Variants in APOBEC3B observed in about 807,000 individuals in gnomAD.
APOBEC3B encodes apolipoprotein B mRNA editing enzyme catalytic subunit 3B.
Under a neutral mutation model 53.4 loss-of-function variants are expected in APOBEC3B, and 29 were observed. The observed-to-expected ratio is 0.54, with a 90% confidence interval of 0.40 to 0.74. APOBEC3B has a LOEUF of 0.74. Among genes scored for constraint, APOBEC3B ranks in the 30% least tolerant of loss-of-function variants. The pLI is 0.00. For missense variants in APOBEC3B, 347 were observed against 496.2 expected (o/e 0.70, Z 2.86); for synonymous variants, 132 against 184.8 (o/e 0.71, Z 2.32).
In APOBEC3B at chr22:38,992,598, T is replaced by C. The variant is rs1924057787; in HGVS notation, c.*153T>C. The C allele has an allele frequency of 6.5e-7, 1 of 1,544,812 alleles. No individual in the cohort carries two copies. ...AATGTGCTCCTGATCAAGTAGATTTTTTAAAAATCAGAGTCAATTAATTTT... is the reference window on the plus strand; with the variant it reads ...AATGTGCTCCTGATCAAGTAGATTTCTTAAAAATCAGAGTCAATTAATTTT... On this transcript the variant is annotated 3_prime_UTR_variant, in exon 8 of 8. Coordinates refer to ENST00000333467, the MANE Select transcript of APOBEC3B (RefSeq NM_004900.5).
In APOBEC3B at chr22:38,984,155, C is replaced by T; in HGVS notation, c.98C>T (p.Thr33Ile). The T allele has an allele frequency of 1.3e-6, 2 of 1,592,558 alleles. No homozygotes were observed. Among genetic ancestry groups the T allele is most frequent in the Non-Finnish European group, 1.7e-6 (2 of 1,172,058 alleles). The stretch of plus-strand genomic sequence containing the variant: ...CCCATCCTCTATGGTCGGAGCTACA[C>T]TTGGCTGTGCTATGAAGTGAAAATA... ...NEPILYGRSY[T>I]WLCYEVKIKR... The change falls in exon 2 of 8, where the codon ACT becomes ATT. Residue 33 changes from threonine to isoleucine, a missense_variant. Thr to Ile is a moderately conservative substitution (Grantham distance 89). Coordinates refer to ENST00000333467, the MANE Select transcript of APOBEC3B (RefSeq NM_004900.5).
Position 38,986,365 on chromosome 22 carries a change from C to A in APOBEC3B, c.522C>A (p.Phe174Leu). The change falls in exon 4 of 8, where the codon TTC (phenylalanine) becomes TTA (leucine). Residue 174 changes from phenylalanine to leucine, a missense_variant. Physicochemically the swap from Phe to Leu is conservative, Grantham distance 22. Transcript: ENST00000333467. Reference protein sequence around the residue: ...EGQQFMPWYKFDENYAFLHRT... With the variant: ...EGQQFMPWYKLDENYAFLHRT... ...AGCAATTCATGCCTTGGTACAAATTCGATGAAAATTATGCATTCCTGCACC... is the reference window on the plus strand; with the variant it reads ...AGCAATTCATGCCTTGGTACAAATTAGATGAAAATTATGCATTCCTGCACC... 6.3e-7 allele frequency: 1 copy of A among 1,593,874 alleles called. No homozygotes were observed. The highest frequency in any genetic ancestry group is 1.3e-5 in the African/African-American group (1 of 74,362).
In APOBEC3B at chr22:38,989,443, G is replaced by C. The variant is rs1362537223; in HGVS notation, c.570-14G>C. The C allele has an allele frequency of 1.3e-5, 21 of 1,555,956 alleles. 3 individuals are homozygous for C. Among genetic ancestry groups the C allele is most frequent in the African/African-American group, 6.8e-5 (5 of 73,694 alleles). On this transcript the variant is annotated splice_polypyrimidine_tract_variant and intron_variant, in intron 4 of 7. Coordinates refer to ENST00000333467, the MANE Select transcript of APOBEC3B (RefSeq NM_004900.5). ...AGTCTTAGGGCTTTTGGTTTCCCCT[G>C]TCTTTGTCCACAGATACCTGATGGA...
At chr22:38,984,893 TC>T (rs1431433152) in intron 2 of APOBEC3B, among the ~76,000 whole-genome samples, 3 of 136,120 alleles carry the variant, frequency 2.2e-5, no homozygotes, top group African/African-American at 8.0e-5. Flanking sequence ...TCTCTTTTTT[TC>T]CTTTTTTTTT....
At chr22:38,989,317 C>T (rs1284285794) in intron 4 of APOBEC3B, 140 bp from the exon 5 acceptor site, 1 of 733,650 alleles carries the variant, frequency 1.4e-6, no homozygotes, top group African/African-American at 1.7e-5. Flanking sequence ...GTGGCCCCCA[C>T]AAAGGGAGTG....
chr22:38,988,696 T>A (rs1259936548), intron 4 of APOBEC3B, among the ~76,000 whole-genome samples: 1 of 114,668 alleles, frequency 8.7e-6, no homozygotes, highest in Admixed American at 9.6e-5. Context: ...TTTCTTTCTT[T>A]CTTTCTTTCT....
Position 38,984,182 on chromosome 22 carries a change from A to G in APOBEC3B, c.125A>G (p.Lys42Arg), listed in dbSNP as rs1255885595. The G allele has an allele frequency of 6.3e-7, 1 of 1,592,742 alleles. No individual in the cohort carries two copies. The highest frequency in any genetic ancestry group is 1.8e-5 in the Admixed American group (1 of 55,976). The change falls in exon 2 of 8, where the codon AAG becomes AGG. Residue 42 changes from lysine to arginine, a missense_variant. Lys to Arg is a conservative substitution (Grantham distance 26). This residue lies in a region of APOBEC3B where 73 missense variants were observed against 90.9 expected (regional missense o/e 0.80). Coordinates refer to ENST00000333467, the MANE Select transcript of APOBEC3B (RefSeq NM_004900.5). The stretch of plus-strand genomic sequence containing the variant: ...TGGCTGTGCTATGAAGTGAAAATAA[A>G]GAGGGGCCGCTCAAATCTCCTTTGG... ...YTWLCYEVKIKRGRSNLLWDT... is the reference protein window; with the variant it reads ...YTWLCYEVKIRRGRSNLLWDT...
intron 5 of APOBEC3B, among the ~76,000 whole-genome samples, chr22:38,990,881 G>A (rs1923964485): frequency 6.8e-6 from 1 of 146,336 alleles, no homozygotes; most frequent in Admixed American, 7.1e-5. Context: ...CTGGGTCTGG[G>A]GTGAGGGTCC....
intron 4 of APOBEC3B, among the ~76,000 whole-genome samples, chr22:38,988,379 C>T (rs1196438443): frequency 6.7e-6 from 1 of 148,868 alleles, no homozygotes; most frequent in Non-Finnish European, 1.5e-5. Context: ...GGATTCTCTT[C>T]ACTTGTCTTT....
chr22:38,986,274 C>T lies in APOBEC3B; in HGVS notation c.455-24C>T, dbSNP rs759178182. On this transcript the variant is annotated intron_variant, in intron 3 of 7. Coordinates refer to ENST00000333467, the MANE Select transcript of APOBEC3B (RefSeq NM_004900.5). ...AGGCCAGGGTCAGGGGAGAGCCTGA[C>T]TGCTTCCCGCTTCTTCATCTCAGAA... 4 of 1,591,898 alleles carry T rather than the reference C, an allele frequency of 2.5e-6. 1 individual carries two copies. The East Asian group carries it at 9.9e-5, about 39-fold the overall frequency.
At chr22:38,987,805 T>C (rs1331390415) in intron 4 of APOBEC3B, among the ~76,000 whole-genome samples, 1 of 148,362 alleles carries the variant, frequency 6.7e-6, no homozygotes, top group Non-Finnish European at 1.5e-5. Context: ...GGAGAAATGC[T>C]CTTATTTTAG....
chr22:38,985,928 C>T lies in APOBEC3B; in HGVS notation c.291C>T (p.Cys97=), dbSNP rs141704515. The T allele has an allele frequency of 1.9e-6, 3 of 1,601,598 alleles. No homozygotes were observed. The highest frequency in any genetic ancestry group is 2.7e-5 in the African/African-American group (2 of 73,978). ...QITWFVSWTP[C]PDCVAKLAEF... ...CCTGGTTTGTATCCTGGACCCCCTG[C>T]CCGGACTGTGTGGCGAAGCTGGCCG... Residue 97 remains cysteine, a synonymous_variant, in exon 3 of 8, where the codon TGC becomes TGT. Coordinates refer to ENST00000333467, the MANE Select transcript of APOBEC3B (RefSeq NM_004900.5).
At position 38,991,987 on chromosome 22, in the gene APOBEC3B, C is replaced by T. The variant is rs1924021068; in HGVS notation, c.1019-47C>T. 1.3e-6 allele frequency: 2 copies of T among 1,516,752 alleles called. 1 individual carries two copies. The highest frequency in any genetic ancestry group is 1.8e-6 in the Non-Finnish European group (2 of 1,134,372). 94.0% of individuals were successfully genotyped at this position (1,516,752 alleles called of 1,614,324 possible). ...AGAGTCATGGGCCCTTGGTGCTGCCCCCTCCCCACAACAGGAGCGTGACTT... is the reference window on the plus strand; with the variant it reads ...AGAGTCATGGGCCCTTGGTGCTGCCTCCTCCCCACAACAGGAGCGTGACTT... On this transcript the variant is annotated intron_variant, in intron 6 of 7. Transcript: ENST00000333467.
chr22:38,992,628 G>C lies in APOBEC3B; in HGVS notation c.*183G>C. ...AAATCAGAGTCAATTAATTTTAATTGAAAATTTCTCTTATGTTCCAAGTGT... is the reference window on the plus strand; with the variant it reads ...AAATCAGAGTCAATTAATTTTAATTCAAAATTTCTCTTATGTTCCAAGTGT... On this transcript the variant is annotated 3_prime_UTR_variant, in exon 8 of 8. Coordinates refer to ENST00000333467, the MANE Select transcript of APOBEC3B (RefSeq NM_004900.5). 6.8e-7 allele frequency: 1 copy of C among 1,473,200 alleles called. No individual in the cohort carries two copies. Among genetic ancestry groups the C allele is most frequent in the Non-Finnish European group, 9.1e-7 (1 of 1,102,740 alleles). 91.3% of individuals were successfully genotyped at this position (1,473,200 alleles called of 1,614,324 possible). A position where few individuals can be genotyped will look rare whatever the true frequency, so the allele number is the denominator to read the frequency against.
chr22:38,989,799 GT>G (rs1437487469), intron 5 of APOBEC3B, among the ~76,000 whole-genome samples, 189 bp downstream of exon 5: 1 of 148,490 alleles, frequency 6.7e-6, no homozygotes, highest in African/African-American at 2.5e-5. Flanking sequence ...GCCAGGTGGG[GT>G]TGAGTCTGCC....
rs1314473895 is a variant in APOBEC3B, at chr22:38,984,939, G to A, written c.174+708G>A. Among the ~76,000 whole-genome samples the A allele has an allele frequency of 8.0e-5, 10 of 125,450 alleles. No individual in the cohort carries two copies. In the Admixed American group the frequency reaches 8.9e-4, roughly 11 times the overall value. The allele number at this position is 125,450 out of a possible 152,430, so 82.3% of individuals were successfully genotyped here. A position where few individuals can be genotyped will look rare whatever the true frequency, so the allele number is the denominator to read the frequency against. On this transcript the variant is annotated intron_variant, in intron 2 of 7. Transcript: ENST00000333467. The stretch of plus-strand genomic sequence containing the variant: ...TTTTCCGAGATGGAGTCTCGCTCTG[G>A]CACCCAGGTTGGAGTGCAATTGCAC...
chr22:38,985,886 C>A lies in APOBEC3B; in HGVS notation c.249C>A (p.Tyr83Ter). The change falls in exon 3 of 8, where the codon TAC becomes TAA. Residue 83 changes from tyrosine to a stop codon, truncating the protein, a stop_gained. Coordinates refer to ENST00000333467, the MANE Select transcript of APOBEC3B (RefSeq NM_004900.5). LOFTEE classifies it high-confidence loss of function. ...TCTGTGGCAACCAGCTGCCTGCTTA[C>A]AAGTGTTTCCAGATCACCTGGTTTG... ...SWFCGNQLPA[Y>*]KCFQITWFVS... The A allele has an allele frequency of 6.3e-7, 1 of 1,596,950 alleles. No homozygotes were observed. The highest frequency in any genetic ancestry group is 8.5e-7 in the Non-Finnish European group (1 of 1,173,768).
At position 38,982,460 on chromosome 22, in the gene APOBEC3B, C is replaced by T; in HGVS notation, c.7C>T (p.Pro3Ser). Residue 3 changes from proline to serine, a missense_variant, in exon 1 of 8, where the codon CCA becomes TCA. Around this residue, in one of 5 missense-constraint regions of APOBEC3B, gnomAD observed 73 missense variants for 90.9 expected, o/e 0.80. Transcript: ENST00000333467. MN[P>S]QIRNPMERMY... The stretch of plus-strand genomic sequence containing the variant: ...CGTATCTAAGAGGCTGAACATGAAT[C>T]CACAGATCAGGTACCGCTGCCCACT... The T allele has an allele frequency of 1.3e-6, 2 of 1,593,656 alleles. 1 individual carries two copies. Among genetic ancestry groups the T allele is most frequent in the Non-Finnish European group, 1.7e-6 (2 of 1,172,584 alleles).
rs775326930 is a variant in APOBEC3B at position 38,991,988 on chromosome 22, C to A, written c.1019-46C>A. Reference sequence around the variant, plus strand: ...GAGTCATGGGCCCTTGGTGCTGCCCCCTCCCCACAACAGGAGCGTGACTTA... The same window carrying A: ...GAGTCATGGGCCCTTGGTGCTGCCCACTCCCCACAACAGGAGCGTGACTTA... On this transcript the variant is annotated intron_variant, in intron 6 of 7. Coordinates refer to ENST00000333467, the MANE Select transcript of APOBEC3B (RefSeq NM_004900.5). 112 of 1,518,436 alleles carry A rather than the reference C, an allele frequency of 7.4e-5. 7 individuals are homozygous for A. Among genetic ancestry groups the A allele is most frequent in the Non-Finnish European group, 9.3e-5 (106 of 1,135,176 alleles). 94.1% of individuals were successfully genotyped at this position (1,518,436 alleles called of 1,614,324 possible). A position where few individuals can be genotyped will look rare whatever the true frequency, so the allele number is the denominator to read the frequency against.
Sources: gnomAD v4.1 joint callset for allele counts (sites outside exome capture counted in the v4.1 genomes callset) on GRCh38, gnomAD v4.1.1 for gene constraint, gnomAD v4.1.1 regional missense constraint, MANE v1.5 for transcripts, NCBI Gene and HGNC (gene_info 2026-07-23, HGNC 2026-07-21) for gene names.